The following ARHGEF10L variants were observed in gnomAD, a reference collection of about 807,000 sequenced individuals.
ARHGEF10L encodes Rho guanine nucleotide exchange factor 10 like, also known as rho guanine nucleotide exchange factor 10-like protein.
A neutral mutation model predicts 141.2 loss-of-function variants in ARHGEF10L; 69 were observed. The observed-to-expected ratio is 0.49, with a 90% CI of 0.40 to 0.60. The LOEUF (loss-of-function observed/expected upper bound fraction) is 0.60. Among genes scored for constraint, ARHGEF10L ranks in the 20% least tolerant of loss-of-function variants. The pLI is 0.00. For synonymous variants in ARHGEF10L, 711 were observed against 718.5 expected, an observed-to-expected ratio of 0.99 and a Z score of 0.17; for missense variants, 1,482 against 1,734.3, an observed-to-expected ratio of 0.85 and a Z score of 2.58.
intron 28 of ARHGEF10L, among the ~76,000 whole-genome samples, chr1:17,696,161 C>T (rs1017063433): frequency 1.4e-5 from 2 of 146,256 alleles, no homozygotes; most frequent in Admixed American, 7.1e-5. Flanking sequence ...TGCAGTGAGC[C>T]GAGATTGCGC....
chr1:17,609,642 C>T (rs996676486), intron 7 of ARHGEF10L, among the ~76,000 whole-genome samples: 1 of 152,152 alleles, frequency 6.6e-6, no homozygotes, highest in East Asian at 1.9e-4. Flanking sequence ...GACAAAAATG[C>T]CTTTACGTAA....
the ARHGEF10L span, among the ~76,000 whole-genome samples, chr1:17,533,538 A>T: frequency 6.6e-6 from 1 of 152,156 alleles, no homozygotes; most frequent in Non-Finnish European, 1.5e-5. Flanking sequence ...CCTGATACTA[A>T]GTCCCGTAAA....
chr1:17,601,050 A>G (rs1479191859), intron 4 of ARHGEF10L, among the ~76,000 whole-genome samples: 2 of 117,454 alleles, frequency 1.7e-5, no homozygotes, highest in African/African-American at 7.2e-5. Context: ...GCTCTGTCTC[A>G]AAAAAAAAAA....
Position 17,687,734 on chromosome 1 carries a change from C to T in ARHGEF10L, c.3171C>T (p.Thr1057=). Residue 1057 remains threonine (T), a synonymous_variant, in exon 27 of 29, where the codon ACC becomes ACT. Transcript: ENST00000361221. The part of the protein sequence containing the change: ...LQEINIATRT[T]FLLPGQKHLC... ...AGATCAACATCGCCACCAGGACCACCTTCCTCCTGCCAGGTGAGGCTGCCT... is the reference window on the plus strand; with the variant it reads ...AGATCAACATCGCCACCAGGACCACTTTCCTCCTGCCAGGTGAGGCTGCCT... The T allele has an allele frequency of 6.3e-7, 1 of 1,582,998 alleles. No individual in the cohort carries two copies. Among genetic ancestry groups the T allele is most frequent in the Non-Finnish European group, 8.6e-7 (1 of 1,163,028 alleles).
rs1006817836 is a variant in ARHGEF10L, at chr1:17,644,291, G to A, written c.2272+3989G>A. 1.3e-5 allele frequency among the ~76,000 whole-genome samples: 2 copies of A among 152,228 alleles called. No homozygotes were observed. The highest frequency in any genetic ancestry group is 4.8e-5 in the African/African-American group (2 of 41,452). On this transcript the variant is annotated intron_variant, in intron 21 of 28. Transcript: ENST00000361221. This position sits in a 1 kb window ranked among gnomAD's most constrained non-coding sequence, Gnocchi z 4.5. ...CTTCCGGGATGACTCCAGCTGTTGG[G>A]TCCTGAGCACAGCCCTGGCAGAGTG...
chr1:17,686,018 T>C (rs924181165), intron 26 of ARHGEF10L, among the ~76,000 whole-genome samples: 26 of 152,200 alleles, frequency 1.7e-4, no homozygotes, highest in African/African-American at 6.0e-4. Flanking sequence ...AGGGTGCAGC[T>C]CTTCCTCCCC....
intron 8 of ARHGEF10L, 37 bp downstream of exon 8, chr1:17,613,211 G>T: frequency 6.6e-7 from 1 of 1,512,940 alleles, no homozygotes; most frequent in East Asian, 2.3e-5. Flanking sequence ...CTGGATGGGG[G>T]CTGTTTCCAG....
chr1:17,633,723 A>G (rs1254224000), intron 16 of ARHGEF10L, among the ~76,000 whole-genome samples: 1 of 152,142 alleles, frequency 6.6e-6, no homozygotes, highest in African/African-American at 2.4e-5. Context: ...GAGGGAAACA[A>G]TCACCTCAGT....
At chr1:17,608,393 A>T (rs1299804878) in intron 7 of ARHGEF10L, among the ~76,000 whole-genome samples, 1 of 152,146 alleles carries the variant, frequency 6.6e-6, no homozygotes, top group African/African-American at 2.4e-5. Flanking sequence ...TCTGGGACTG[A>T]TGCTCAGACC....
chr1:17,681,256 C>T (rs77565448), intron 26 of ARHGEF10L, among the ~76,000 whole-genome samples: 2,057 of 152,308 alleles, frequency 0.014, 50 homozygotes, highest in Admixed American at 0.061. Context: ...TTACCCTTTA[C>T]CCCTAAATAC....
Position 17,627,931 on chromosome 1 carries a change from A to G in ARHGEF10L, c.1584+428A>G, listed in dbSNP as rs533442507. ...ACCGGAGCCCTAGGGCTGCTGCCGC[A>G]AAAGAGGGAGCTGGCAAAGTGGCTT... On this transcript the variant is annotated intron_variant, in intron 15 of 28. Coordinates refer to ENST00000361221, the MANE Select transcript of ARHGEF10L (RefSeq NM_018125.4). This position sits in a 1 kb window ranked among gnomAD's most constrained non-coding sequence, Gnocchi z 4.0. 2.6e-5 allele frequency among the ~76,000 whole-genome samples: 4 copies of G among 152,284 alleles called. No homozygotes were observed. Among genetic ancestry groups the G allele is most frequent in the Admixed American group, 2.6e-4 (4 of 15,306 alleles).
chr1:17,608,682 T>G (rs12728849), intron 7 of ARHGEF10L, among the ~76,000 whole-genome samples: 31 of 152,236 alleles, frequency 2.0e-4, no homozygotes, highest in African/African-American at 7.2e-4. Flanking sequence ...CAAGAGGCAG[T>G]GTCTGTCCGT....
chr1:17,566,895 A>T (rs992433225), intron 1 of ARHGEF10L, among the ~76,000 whole-genome samples: 1 of 152,162 alleles, frequency 6.6e-6, no homozygotes, highest in African/African-American at 2.4e-5. Context: ...ATGCCAAGGG[A>T]TGCAGACTGG....
intron 9 of ARHGEF10L, among the ~76,000 whole-genome samples, chr1:17,618,710 C>T (rs1166271046): frequency 2.0e-5 from 3 of 152,190 alleles, no homozygotes; most frequent in Non-Finnish European, 2.9e-5. Flanking sequence ...GGCTGGAACC[C>T]TCTCCGGAGC....
At chr1:17,522,836 A>T in the ARHGEF10L span, among the ~76,000 whole-genome samples, 2 of 151,988 alleles carry the variant, frequency 1.3e-5, no homozygotes, top group African/African-American at 4.8e-5. Flanking sequence ...TTCTTCCAGG[A>T]CTTCCTCTCC....
chr1:17,629,276 C>T (rs1488954080), intron 15 of ARHGEF10L, among the ~76,000 whole-genome samples: 2 of 152,022 alleles, frequency 1.3e-5, no homozygotes, highest in African/African-American at 2.4e-5. Flanking sequence ...ATCCTCCTGC[C>T]TCAGCCTCCC....
chr1:17,533,627 T>TC, the ARHGEF10L span, among the ~76,000 whole-genome samples: 14 of 152,088 alleles, frequency 9.2e-5, no homozygotes, highest in African/African-American at 3.4e-4. Flanking sequence ...TTAGCTTGTT[T>TC]CCCCCCAGAT....
intron 26 of ARHGEF10L, among the ~76,000 whole-genome samples, chr1:17,685,749 G>A (rs978540479): frequency 1.3e-5 from 2 of 152,256 alleles, no homozygotes; most frequent in African/African-American, 4.8e-5. Flanking sequence ...CACTGGGCCT[G>A]TGCCAAGCTC....
At chr1:17,637,282 TTCTC>T (rs1464824191) in intron 18 of ARHGEF10L, among the ~76,000 whole-genome samples, 1 of 152,122 alleles carries the variant, frequency 6.6e-6, no homozygotes, top group African/African-American at 2.4e-5. Flanking sequence ...GCTCTTGTCT[TTCTC>T]TCCTGGCAGT....
Sources: allele counts gnomAD v4.1 joint callset (sites outside exome capture counted in the v4.1 genomes callset), GRCh38; gene constraint gnomAD v4.1.1; non-coding constraint Gnocchi (gnomAD v3.1); transcripts MANE v1.5; gene names NCBI Gene and HGNC (gene_info 2026-07-23, HGNC 2026-07-21).